The following MLLT3 variants were observed in gnomAD, a reference collection of about 807,000 sequenced individuals.
MLLT3 encodes MLLT3 super elongation complex subunit.
Under a neutral mutation model 53.2 loss-of-function variants are expected in MLLT3, and 4 were observed. That is an observed-to-expected ratio of 0.08 (90% confidence interval 0.04 to 0.17). The LOEUF (loss-of-function observed/expected upper bound fraction) is 0.17, where lower values mean the gene tolerates loss of function less well. Among genes scored for constraint, MLLT3 ranks in the 10% least tolerant of loss-of-function variants. The pLI is 1.00. For missense variants in MLLT3, 569 were observed against 684.0 expected (o/e 0.83, Z 1.87); for synonymous variants, 283 against 230.6 (o/e 1.23, Z -2.06).
chr9:20,462,370 T>A (rs558542206), intron 2 of MLLT3, among the ~76,000 whole-genome samples: 1 of 152,242 alleles, frequency 6.6e-6, no homozygotes, highest in East Asian at 1.9e-4. Flanking sequence ...TTGAGTTGTA[T>A]GTTGAGTTGT....
chr9:20,441,018 G>A (rs1045292081), intron 4 of MLLT3, among the ~76,000 whole-genome samples: 1 of 152,084 alleles, frequency 6.6e-6, no homozygotes, highest in Non-Finnish European at 1.5e-5. Flanking sequence ...TTCCAATACT[G>A]ACAACTAAAC....
At chr9:20,460,333 T>C (rs79801133) in intron 2 of MLLT3, among the ~76,000 whole-genome samples, 4,822 of 152,308 alleles carry the variant, frequency 0.032, 190 homozygotes, top group East Asian at 0.16. Context: ...TGAATGAATA[T>C]TCACCTTTAG....
At chr9:20,566,822 C>T (rs190294478) in intron 2 of MLLT3, among the ~76,000 whole-genome samples, 88 of 152,210 alleles carry the variant, frequency 5.8e-4, no homozygotes, top group African/African-American at 2.1e-3. Context: ...GGCATCTGAA[C>T]CTAGGGCTCC....
chr9:20,463,368 T>C (rs1303065239), intron 2 of MLLT3, among the ~76,000 whole-genome samples: 12 of 152,160 alleles, frequency 7.9e-5, no homozygotes, highest in Non-Finnish European at 1.3e-4. Context: ...AAAGCCCATG[T>C]AGCTGAGGTT....
At chr9:20,524,953 A>G (rs970889141) in intron 2 of MLLT3, among the ~76,000 whole-genome samples, 2 of 152,096 alleles carry the variant, frequency 1.3e-5, no homozygotes, top group African/African-American at 4.8e-5. Context: ...CTGTCAGGCT[A>G]CAGAGGGCGC....
chr9:20,479,022 A>G (rs1035097451), intron 2 of MLLT3, among the ~76,000 whole-genome samples: 1 of 152,146 alleles, frequency 6.6e-6, no homozygotes, highest in Non-Finnish European at 1.5e-5. Flanking sequence ...AAGGCTCTCA[A>G]TTAAAGAGAT....
intron 8 of MLLT3, among the ~76,000 whole-genome samples, chr9:20,357,559 A>G (rs941157115): frequency 1.3e-5 from 2 of 152,260 alleles, no homozygotes; most frequent in African/African-American, 4.8e-5. Flanking sequence ...ATGAAGAATG[A>G]CAACTCAGTT....
At chr9:20,501,289 G>T (rs1825218288) in intron 2 of MLLT3, among the ~76,000 whole-genome samples, 1 of 152,130 alleles carries the variant, frequency 6.6e-6, no homozygotes. Flanking sequence ...ATGGAACACT[G>T]AATACATACC....
chr9:20,554,605 A>T (rs1819008167), intron 2 of MLLT3, among the ~76,000 whole-genome samples: 1 of 152,238 alleles, frequency 6.6e-6, no homozygotes, highest in Admixed American at 6.5e-5. Flanking sequence ...AACAAAGCTG[A>T]TTATATATAC....
At chr9:20,476,026 G>C (rs891848720) in intron 2 of MLLT3, among the ~76,000 whole-genome samples, 1 of 151,974 alleles carries the variant, frequency 6.6e-6, no homozygotes, top group African/African-American at 2.4e-5. Flanking sequence ...TTCAAAAACA[G>C]GAAAATTATT....
rs1344894532 is a variant in MLLT3, at chr9:20,622,496, G to A, written c.-240C>T. Reference sequence around the variant, plus strand: ...GCAGCAGCTCCAGGGTAAAGAAGATGATTGCGGAGCATGCGCCGTGGCGCC... The same window carrying A: ...GCAGCAGCTCCAGGGTAAAGAAGATAATTGCGGAGCATGCGCCGTGGCGCC... On this transcript the variant is annotated 5_prime_UTR_variant, in exon 1 of 11. Coordinates refer to ENST00000380338, the MANE Select transcript of MLLT3 (RefSeq NM_004529.4). 1.7e-5 allele frequency: 8 copies of A among 474,246 alleles called. No individual in the cohort carries two copies. Among genetic ancestry groups the A allele is most frequent in the Admixed American group, 1.6e-4 (4 of 25,388 alleles). The allele number at this position is 474,246 out of a possible 1,614,324, so 29.4% of individuals were successfully genotyped here. A position where few individuals can be genotyped will look rare whatever the true frequency, so the allele number is the denominator to read the frequency against.
chr9:20,455,162 G>T (rs533607278), intron 3 of MLLT3, among the ~76,000 whole-genome samples: 1 of 152,150 alleles, frequency 6.6e-6, no homozygotes, highest in South Asian at 2.1e-4. Context: ...AATACATCTC[G>T]ACAAATTTGA....
intron 5 of MLLT3, among the ~76,000 whole-genome samples, chr9:20,392,543 T>C (rs2118724339): frequency 6.6e-6 from 1 of 152,344 alleles, no homozygotes; most frequent in African/African-American, 2.4e-5. Context: ...TACTTAATTT[T>C]AAATGAAGAA....
In MLLT3 at chr9:20,448,069, TTTG is replaced by T. The variant is rs1823749093; in HGVS notation, c.420+51_420+53del. On this transcript the variant is annotated intron_variant, in intron 4 of 10. Coordinates refer to ENST00000380338, the MANE Select transcript of MLLT3 (RefSeq NM_004529.4). This position sits in a 1 kb window ranked among gnomAD's most constrained non-coding sequence, Gnocchi z 4.0. ...AGGAACTAGTTTGTTTGTTTTTTTT[TTTG>T]TTGTTGTTGTTTTTTAATAGGAATG... The T allele has an allele frequency of 1.5e-5, 24 of 1,555,998 alleles. No individual in the cohort carries two copies. Among genetic ancestry groups the T allele is most frequent in the Admixed American group, 4.0e-5 (2 of 50,142 alleles).
At chr9:20,488,786 T>A (rs1263216666) in intron 2 of MLLT3, among the ~76,000 whole-genome samples, 1 of 152,218 alleles carries the variant, frequency 6.6e-6, no homozygotes, top group East Asian at 1.9e-4. Context: ...GAAATTGTAC[T>A]GCCAGATAAG....
chr9:20,454,827 T>C (rs1030789726), intron 3 of MLLT3, among the ~76,000 whole-genome samples: 1 of 152,086 alleles, frequency 6.6e-6, no homozygotes, highest in East Asian at 1.9e-4. Flanking sequence ...ACCACTTAAA[T>C]TAAAAATACA....
chr9:20,496,068 C>G (rs1360932195), intron 2 of MLLT3, among the ~76,000 whole-genome samples: 3 of 152,164 alleles, frequency 2.0e-5, no homozygotes, highest in Middle Eastern at 3.2e-3. Flanking sequence ...CTTGTACTGA[C>G]CTGTGCTTAG....
chr9:20,505,765 TG>T (rs1825365593), intron 2 of MLLT3, among the ~76,000 whole-genome samples: 1 of 152,202 alleles, frequency 6.6e-6, no homozygotes, highest in Admixed American at 6.5e-5. Context: ...CCTCTATGCC[TG>T]TATTGCGTCA....
At chr9:20,474,055 C>T (rs1489818077) in intron 2 of MLLT3, among the ~76,000 whole-genome samples, 3 of 152,094 alleles carry the variant, frequency 2.0e-5, no homozygotes, top group Non-Finnish European at 2.9e-5. Context: ...ACTCAGGACA[C>T]TGACCTTGCT....
Sources: gnomAD v4.1 joint callset for allele counts (sites outside exome capture counted in the v4.1 genomes callset) on GRCh38, gnomAD v4.1.1 for gene constraint, Gnocchi (gnomAD v3.1) non-coding constraint, MANE v1.5 for transcripts, NCBI Gene and HGNC (gene_info 2026-07-23, HGNC 2026-07-21) for gene names.